The following HERC2 variants were observed in gnomAD, a reference collection of about 807,000 sequenced individuals.
The protein encoded by HERC2 is HECT and RLD domain containing E3 ubiquitin protein ligase 2.
In HERC2, 102 loss-of-function variants were observed where a neutral mutation model predicts 537.7. The observed-to-expected ratio is 0.19, with a 90% CI of 0.16 to 0.22. The LOEUF (loss-of-function observed/expected upper bound fraction) is 0.22, where lower values mean the gene tolerates loss of function less well. HERC2 is among the 10% of genes least tolerant of loss of function. The pLI, the probability that HERC2 is intolerant of heterozygous loss-of-function variation, is 1.00. For missense variants in HERC2, 4,236 were observed against 6,198.2 expected (o/e 0.68, Z 10.63); for synonymous variants, 2,224 against 2,466.2 (o/e 0.90, Z 2.91).
At position 28,214,059 on chromosome 15, in the gene HERC2, T is replaced by G. The variant is rs1419450739; in HGVS notation, c.6555+17A>C. The G allele has an allele frequency of 1.2e-6, 2 of 1,613,670 alleles. No individual in the cohort carries two copies. Among genetic ancestry groups the G allele is most frequent in the Non-Finnish European group, 1.7e-6 (2 of 1,179,568 alleles). Reference sequence around the variant, plus strand: ...GTTCACCGTTGAACTAAATTAATTCTGAGAACACAAACCCACCCCTTCGGA... The same window carrying G: ...GTTCACCGTTGAACTAAATTAATTCGGAGAACACAAACCCACCCCTTCGGA... On this transcript the variant is annotated intron_variant, in intron 41 of 92. Transcript: ENST00000261609.
At chr15:28,114,997 G>A (rs1406300171) in intron 89 of HERC2, among the ~76,000 whole-genome samples, 195 bp from the exon 90 acceptor site, 3 of 151,960 alleles carry the variant, frequency 2.0e-5, no homozygotes, top group Non-Finnish European at 4.4e-5. Context: ...GCTGAACGAA[G>A]AATTCACAAT....
intron 57 of HERC2, among the ~76,000 whole-genome samples, chr15:28,181,902 C>G (rs1315995567): frequency 6.6e-6 from 1 of 152,204 alleles, no homozygotes; most frequent in African/African-American, 2.4e-5. Context: ...ACAACAAGCC[C>G]TGCAGAGAAT....
chr15:28,162,155 C>T (rs1255729072), intron 69 of HERC2, among the ~76,000 whole-genome samples: 1 of 152,082 alleles, frequency 6.6e-6, no homozygotes, highest in Non-Finnish European at 1.5e-5. Flanking sequence ...CATGGTGAAA[C>T]CCCATCTCAA....
At position 28,113,293 on chromosome 15, in the gene HERC2, G is replaced by A. The variant is rs766367094; in HGVS notation, c.14020-10C>T. On this transcript the variant is annotated splice_polypyrimidine_tract_variant and intron_variant, in intron 91 of 92. Coordinates refer to ENST00000261609, the MANE Select transcript of HERC2 (RefSeq NM_004667.6). This position sits in a 1 kb window ranked among gnomAD's most constrained non-coding sequence, Gnocchi z 7.0. ...CAGGGCTGCCACACACCTGCGGGAG[G>A]ATGTCTGTCAGGGCCGCGTGATGCT... 6.2e-7 allele frequency: 1 copy of A among 1,613,578 alleles called. No individual in the cohort carries two copies. Among genetic ancestry groups the A allele is most frequent in the Non-Finnish European group, 8.5e-7 (1 of 1,179,638 alleles).
chr15:28,169,374 G>T, intron 66 of HERC2, 110 bp downstream of exon 66: 1 of 751,118 alleles, frequency 1.3e-6, no homozygotes, highest in Non-Finnish European at 2.1e-6. Flanking sequence ...AGCATTTAAA[G>T]ACAATAATAC....
At chr15:28,251,457 G>A (rs575847127) in intron 20 of HERC2, among the ~76,000 whole-genome samples, 5 of 144,462 alleles carry the variant, frequency 3.5e-5, no homozygotes, top group Admixed American at 2.1e-4. Context: ...GAAAAAAATT[G>A]TCCTTAGTCA....
chr15:28,270,910 A>G, intron 9 of HERC2, 42 bp from the exon 10 acceptor site: 2 of 1,570,214 alleles, frequency 1.3e-6, no homozygotes, highest in Non-Finnish European at 1.7e-6. Flanking sequence ...ATGGTGGGAA[A>G]AATTAAAGTT....
intron 69 of HERC2, among the ~76,000 whole-genome samples, chr15:28,155,434 C>A (rs1444861426): frequency 1.3e-5 from 2 of 152,104 alleles, no homozygotes; most frequent in Non-Finnish European, 2.9e-5. Flanking sequence ...CCTGTTGTTT[C>A]CTGACTTTTT....
rs1368483492 is a variant in HERC2 at position 28,254,200 on chromosome 15, T to C, written c.3050+140A>G. On this transcript the variant is annotated intron_variant, in intron 20 of 92. Coordinates refer to ENST00000261609, the MANE Select transcript of HERC2 (RefSeq NM_004667.6). The stretch of plus-strand genomic sequence containing the variant: ...TGAGAGGCTGAGGCAAGAGAATCAC[T>C]TGAACCTGGGAGGCGGAGCTTGCAG... 5 of 584,424 alleles carry C rather than the reference T, an allele frequency of 8.6e-6. No homozygotes were observed. The highest frequency in any genetic ancestry group is 3.7e-5 in the Admixed American group (1 of 26,796). The allele number at this position is 584,424 out of a possible 1,614,324, so 36.2% of individuals were successfully genotyped here. A position where few individuals can be genotyped will look rare whatever the true frequency, so the allele number is the denominator to read the frequency against.
intron 90 of HERC2, 22 bp downstream of exon 90, chr15:28,114,590 A>G: frequency 6.2e-7 from 1 of 1,607,836 alleles, no homozygotes; most frequent in Non-Finnish European, 8.5e-7. Context: ...TGTCAATGCA[A>G]CAGAGACGGA....
At chr15:28,257,367 A>G in intron 16 of HERC2, 106 bp from the exon 17 acceptor site, 1 of 894,570 alleles carries the variant, frequency 1.1e-6, no homozygotes, top group Non-Finnish European at 1.8e-6. Context: ...ACTATTACCT[A>G]TCATCCCTCG....
At chr15:28,321,589 G>A in intron 1 of HERC2, 125 bp from the exon 2 acceptor site, 1 of 452,294 alleles carries the variant, frequency 2.2e-6, no homozygotes, top group South Asian at 2.7e-5. Context: ...TGGTGGAGGG[G>A]AGAGAAGGGG....
chr15:28,117,187 G>A (rs745482773), intron 86 of HERC2, 33 bp from the exon 87 acceptor site: 18 of 1,608,802 alleles, frequency 1.1e-5, no homozygotes, highest in South Asian at 2.2e-5. Context: ...GCGTGAGGCC[G>A]CTGCCGCAGC....
chr15:28,210,171 T>C (rs1024510222), intron 44 of HERC2, among the ~76,000 whole-genome samples: 5 of 152,000 alleles, frequency 3.3e-5, no homozygotes, highest in Non-Finnish European at 7.4e-5. Context: ...TCTTGCTCTG[T>C]CGTCCAGGCT....
At chr15:28,272,159 TA>T (rs2075748209) in intron 9 of HERC2, 55 bp downstream of exon 9, 1 of 1,481,328 alleles carries the variant, frequency 6.8e-7, no homozygotes, top group African/African-American at 1.4e-5. Flanking sequence ...AGTCTTGCTT[TA>T]AAAGTAACTA....
chr15:28,283,508 A>G (rs1181847043), intron 4 of HERC2, among the ~76,000 whole-genome samples: 2 of 152,204 alleles, frequency 1.3e-5, no homozygotes, highest in Admixed American at 6.5e-5. Context: ...AGGAAGTGAA[A>G]CAGAATTTGT....
At chr15:28,181,127 T>C (rs1043718641) in intron 57 of HERC2, among the ~76,000 whole-genome samples, 23 of 152,236 alleles carry the variant, frequency 1.5e-4, no homozygotes, top group African/African-American at 5.1e-4. Flanking sequence ...CCATTGTAGA[T>C]GGATGTAATT....
intron 20 of HERC2, among the ~76,000 whole-genome samples, chr15:28,250,846 C>A (rs2075052721): frequency 6.6e-6 from 1 of 152,268 alleles, no homozygotes; most frequent in African/African-American, 2.4e-5. Context: ...ATGAAGACAG[C>A]CTGGATATCG....
chr15:28,191,435 G>C (rs1304257572), intron 53 of HERC2, among the ~76,000 whole-genome samples, 191 bp from the exon 54 acceptor site: 3 of 152,130 alleles, frequency 2.0e-5, no homozygotes, highest in Admixed American at 1.3e-4. Flanking sequence ...TTAGAGAAAA[G>C]TCTCACTCTA....
Sources: allele counts gnomAD v4.1 joint callset (sites outside exome capture counted in the v4.1 genomes callset), GRCh38; gene constraint gnomAD v4.1.1; non-coding constraint Gnocchi (gnomAD v3.1); transcripts MANE v1.5; gene names NCBI Gene and HGNC (gene_info 2026-07-23, HGNC 2026-07-21).